Variants in PACRG observed in about 807,000 individuals in gnomAD.
PACRG encodes the protein parkin coregulated gene protein.
A neutral mutation model predicts 29.7 loss-of-function variants in PACRG; 29 were observed. That is an observed-to-expected ratio of 0.98 (90% CI 0.73 to 1.33). The LOEUF (loss-of-function observed/expected upper bound fraction) is 1.33. PACRG is among the 40% of genes most tolerant of loss of function. The probability of loss-of-function intolerance (pLI) is 0.00; values close to 1 mark genes in which losing one functional copy is unlikely to be tolerated. For missense variants in PACRG, 279 were observed against 316.2 expected, an observed-to-expected ratio of 0.88 and a Z score of 0.89; for synonymous variants, 116 against 118.7, an observed-to-expected ratio of 0.98 and a Z score of 0.15.
At chr6:163,157,139 A>T (rs890814634) in intron 4 of PACRG, among the ~76,000 whole-genome samples, 3 of 152,104 alleles carry the variant, frequency 2.0e-5, no homozygotes, top group African/African-American at 7.2e-5. Flanking sequence ...ACAATTACTA[A>T]CTACTACCTG....
chr6:162,953,068 T>A (rs574114153), intron 2 of PACRG, among the ~76,000 whole-genome samples: 168 of 152,310 alleles, frequency 1.1e-3, no homozygotes, highest in Middle Eastern at 6.8e-3. Flanking sequence ...AGCTATTTTT[T>A]AAATATTTTG....
At chr6:163,112,011 A>G (rs1815740781) in intron 4 of PACRG, 28 of 935,672 alleles carry the variant, frequency 3.0e-5, no homozygotes, top group Non-Finnish European at 3.4e-5. Context: ...TTTTCACTTG[A>G]TTTGCTTTAT....
chr6:163,199,334 C>A (rs973660425), intron 4 of PACRG, among the ~76,000 whole-genome samples: 1 of 152,222 alleles, frequency 6.6e-6, no homozygotes, highest in African/African-American at 2.4e-5. Flanking sequence ...AGATTCTAAT[C>A]CACTTTCACC....
intron 1 of PACRG, among the ~76,000 whole-genome samples, chr6:162,800,764 A>T (rs866290494): frequency 1.2e-4 from 18 of 152,244 alleles, no homozygotes; most frequent in African/African-American, 4.3e-4. Context: ...ATAATATTGT[A>T]TGTCCTCAGT....
rs1218224343 is a variant in PACRG, at chr6:162,992,053, C to T, written c.292-70097C>T. 5.2e-4 allele frequency among the ~76,000 whole-genome samples: 74 copies of T among 141,306 alleles called. 1 individual carries two copies. In the East Asian group the frequency reaches 0.013, roughly 26 times the overall value. 92.7% of individuals were successfully genotyped at this position (141,306 alleles called of 152,430 possible). A position where few individuals can be genotyped will look rare whatever the true frequency, so the allele number is the denominator to read the frequency against. On this transcript the variant is annotated intron_variant, in intron 2 of 4. Transcript: ENST00000366888. ...ATGCTGGATTACATTTATTGATTTGCGTATATTGAACCAGCCTTTCATCCC... is the reference window on the plus strand; with the variant it reads ...ATGCTGGATTACATTTATTGATTTGTGTATATTGAACCAGCCTTTCATCCC...
chr6:162,748,875 TA>T (rs1232459407), intron 1 of PACRG, among the ~76,000 whole-genome samples: 1 of 152,216 alleles, frequency 6.6e-6, no homozygotes, highest in African/African-American at 2.4e-5. Flanking sequence ...TAGAATGTGA[TA>T]AGCCTTGACA....
At chr6:162,786,895 A>C (rs981875653) in intron 1 of PACRG, among the ~76,000 whole-genome samples, 1 of 152,166 alleles carries the variant, frequency 6.6e-6, no homozygotes, top group African/African-American at 2.4e-5. Flanking sequence ...TTCATTTACA[A>C]AATCAAATGC....
intron 2 of PACRG, among the ~76,000 whole-genome samples, chr6:162,990,324 C>T (rs1389347168): frequency 6.6e-6 from 1 of 151,842 alleles, no homozygotes; most frequent in Non-Finnish European, 1.5e-5. Context: ...CTGACTTCCA[C>T]AATGGTTGAA....
chr6:162,736,082 A>G (rs1401376094), intron 1 of PACRG, among the ~76,000 whole-genome samples: 3 of 152,332 alleles, frequency 2.0e-5, no homozygotes, highest in East Asian at 1.9e-4. Flanking sequence ...CATTATCACA[A>G]AAGGAGAAGC....
rs7754147 is a variant in PACRG, at chr6:162,778,703, C to T, written c.157-35444C>T. Among the ~76,000 whole-genome samples, 1,051 of 152,274 alleles carry T rather than the reference C, an allele frequency of 6.9e-3. 11 individuals are homozygous for T. Among genetic ancestry groups the T allele is most frequent in the African/African-American group, 0.023 (965 of 41,554 alleles). ...ACAAAAAGCATTTCCTTGCCTCAGT[C>T]TCTGAACCAAGACTCTTGATTTCCT... On this transcript the variant is annotated intron_variant, in intron 1 of 4. Transcript: ENST00000366888.
At chr6:163,109,031 C>G (rs892690225) in intron 4 of PACRG, among the ~76,000 whole-genome samples, 6 of 152,170 alleles carry the variant, frequency 3.9e-5, no homozygotes, top group Admixed American at 3.3e-4. Flanking sequence ...ACTGTGTCAA[C>G]CCTCCAGTAG....
At chr6:163,088,989 C>T (rs1011360085) in intron 3 of PACRG, among the ~76,000 whole-genome samples, 9 of 152,128 alleles carry the variant, frequency 5.9e-5, no homozygotes, top group East Asian at 1.9e-4. Flanking sequence ...CTCAGAGCCC[C>T]GGCCTCTTCT....
At chr6:162,874,139 T>TAA (rs56159049) in intron 2 of PACRG, among the ~76,000 whole-genome samples, 1,712 of 133,430 alleles carry the variant, frequency 0.013, 21 homozygotes, top group African/African-American at 0.031. Flanking sequence ...ATGAGGGAGT[T>TAA]AAAAAAAAAA....
chr6:163,236,293 C>T (rs1782235215), intron 4 of PACRG, among the ~76,000 whole-genome samples: 2 of 139,952 alleles, frequency 1.4e-5, no homozygotes, highest in Admixed American at 7.0e-5. Flanking sequence ...CTCCTAGTGC[C>T]ACCTTGAGCT....
At chr6:162,998,591 G>A (rs1804300073) in intron 2 of PACRG, among the ~76,000 whole-genome samples, 1 of 152,104 alleles carries the variant, frequency 6.6e-6, no homozygotes, top group African/African-American at 2.4e-5. Flanking sequence ...TTTTCTTTAT[G>A]AGAATTCATT....
At chr6:162,828,207 C>T (rs1167616086) in intron 2 of PACRG, among the ~76,000 whole-genome samples, 1 of 152,126 alleles carries the variant, frequency 6.6e-6, no homozygotes, top group African/African-American at 2.4e-5. Context: ...TTACAGGTCC[C>T]ATAGATCTTT....
chr6:162,967,596 T>C (rs1271807969), intron 2 of PACRG, among the ~76,000 whole-genome samples: 1 of 151,346 alleles, frequency 6.6e-6, no homozygotes, highest in East Asian at 1.9e-4. Context: ...AAGCTCCGCC[T>C]CCCGGTTTCA....
At chr6:162,778,275 A>C (rs1783808423) in intron 1 of PACRG, among the ~76,000 whole-genome samples, 1 of 152,120 alleles carries the variant, frequency 6.6e-6, no homozygotes, top group African/African-American at 2.4e-5. Context: ...GTATTATGTG[A>C]TGGGAAGGGG....
In PACRG at chr6:162,771,200, T is replaced by C. The variant is rs141837870; in HGVS notation, c.156+42809T>C. Among the ~76,000 whole-genome samples the C allele has an allele frequency of 1.6e-3, 240 of 152,310 alleles. 1 individual carries two copies. Among genetic ancestry groups the C allele is most frequent in the Middle Eastern group, 0.014 (4 of 294 alleles). The stretch of plus-strand genomic sequence containing the variant: ...CCTTGTTATTGCCATTCAAGTTACA[T>C]CATAACTTAAATTCTTGGGTAGAAT... On this transcript the variant is annotated intron_variant, in intron 1 of 4. Coordinates refer to ENST00000366888, the MANE Select transcript of PACRG (RefSeq NM_001080379.2).
Sources: gnomAD v4.1 joint callset for allele counts (sites outside exome capture counted in the v4.1 genomes callset) on GRCh38, gnomAD v4.1.1 for gene constraint, MANE v1.5 for transcripts, NCBI Gene and HGNC (gene_info 2026-07-23, HGNC 2026-07-21) for gene names.